The following FRMD4A variants were observed in gnomAD, a reference collection of about 807,000 sequenced individuals.
FRMD4A encodes the protein FERM domain-containing protein 4A.
Under a neutral mutation model 129.1 loss-of-function variants are expected in FRMD4A, and 29 were observed. The observed-to-expected ratio is 0.22, with a 90% confidence interval of 0.17 to 0.31. The LOEUF (loss-of-function observed/expected upper bound fraction) is 0.31, where lower values mean the gene tolerates loss of function less well. FRMD4A is among the 10% of genes least tolerant of loss of function. The pLI, the probability that FRMD4A is intolerant of heterozygous loss-of-function variation, is 1.00. For missense variants in FRMD4A, 1,272 were observed against 1,375.8 expected, an observed-to-expected ratio of 0.92 and a Z score of 1.19; for synonymous variants, 634 against 571.6, an observed-to-expected ratio of 1.11 and a Z score of -1.56.
At chr10:13,732,866 A>C (rs1021330439) in intron 12 of FRMD4A, among the ~76,000 whole-genome samples, 17 of 152,094 alleles carry the variant, frequency 1.1e-4, no homozygotes. Flanking sequence ...GACCTTCCCC[A>C]TGTCTGAGTT....
intron 2 of FRMD4A, chr10:13,890,970 C>T (rs1369815536): frequency 7.8e-6 from 3 of 383,696 alleles, no homozygotes; most frequent in Admixed American, 6.4e-5. Flanking sequence ...TACGCACAGG[C>T]AGCCCACGCA....
chr10:14,023,135 G>T (rs919021256), intron 2 of FRMD4A, among the ~76,000 whole-genome samples: 1 of 151,946 alleles, frequency 6.6e-6, no homozygotes, highest in Non-Finnish European at 1.5e-5. Flanking sequence ...CCCTGGCCAT[G>T]AATCTCCCAT....
At chr10:14,139,648 C>T (rs952453635) in intron 2 of FRMD4A, among the ~76,000 whole-genome samples, 2 of 151,804 alleles carry the variant, frequency 1.3e-5, no homozygotes, top group African/African-American at 4.8e-5. Flanking sequence ...TGGGGTCTTG[C>T]CATGTTGCCT....
chr10:13,812,685 C>T (rs2093469879), intron 3 of FRMD4A, among the ~76,000 whole-genome samples: 1 of 152,172 alleles, frequency 6.6e-6, no homozygotes. Context: ...GGGTGGCAGC[C>T]TCAGGGCCTA....
intron 2 of FRMD4A, among the ~76,000 whole-genome samples, chr10:14,115,341 A>G (rs1265578388): frequency 6.6e-6 from 1 of 152,244 alleles, no homozygotes; most frequent in East Asian, 1.9e-4. Flanking sequence ...TTGGCCTCTT[A>G]TCACTTATTT....
intron 14 of FRMD4A, among the ~76,000 whole-genome samples, chr10:13,697,650 TG>T (rs1378543789): frequency 6.6e-6 from 1 of 152,100 alleles, no homozygotes; most frequent in Non-Finnish European, 1.5e-5. Flanking sequence ...TGTCTGATAT[TG>T]TGGGAACAAA....
chr10:14,082,980 A>G (rs1287808485), intron 2 of FRMD4A: 1 of 152,200 alleles, frequency 6.6e-6, no homozygotes, highest in Non-Finnish European at 1.5e-5. Flanking sequence ...TGAAACAAAG[A>G]CTCCAAGAAG....
chr10:13,963,124 C>G (rs1392618569), intron 2 of FRMD4A, among the ~76,000 whole-genome samples: 4 of 152,088 alleles, frequency 2.6e-5, no homozygotes, highest in Non-Finnish European at 5.9e-5. Context: ...TGGAAGCACA[C>G]CAGTAGAAAT....
At chr10:13,855,124 T>C (rs186247138) in intron 3 of FRMD4A, among the ~76,000 whole-genome samples, 2 of 152,316 alleles carry the variant, frequency 1.3e-5, no homozygotes, top group African/African-American at 2.4e-5. Flanking sequence ...CAAAGTGCTA[T>C]ATGGAATAAG....
intron 2 of FRMD4A, among the ~76,000 whole-genome samples, chr10:14,084,843 A>G (rs997773407): frequency 6.6e-6 from 1 of 152,138 alleles, no homozygotes; most frequent in African/African-American, 2.4e-5. Flanking sequence ...CCTGAAAACC[A>G]CCATAAAGCT....
intron 15 of FRMD4A, among the ~76,000 whole-genome samples, chr10:13,691,676 C>G (rs986159390): frequency 4.6e-5 from 7 of 152,180 alleles, no homozygotes; most frequent in Non-Finnish European, 1.0e-4. Context: ...GGTTTCGATG[C>G]ACGCCGAAGT....
At chr10:14,252,066 G>C (rs1844459534) in intron 2 of FRMD4A, among the ~76,000 whole-genome samples, 1 of 152,116 alleles carries the variant, frequency 6.6e-6, no homozygotes, top group Non-Finnish European at 1.5e-5. Flanking sequence ...TATATTTATA[G>C]AAAAGTTTCA....
intron 2 of FRMD4A, among the ~76,000 whole-genome samples, chr10:13,993,374 C>T (rs1246613316): frequency 1.3e-5 from 2 of 152,186 alleles, no homozygotes; most frequent in African/African-American, 4.8e-5. Flanking sequence ...AATTCCACTC[C>T]ATCTAGCATG....
At chr10:13,814,422 T>A (rs1324467457) in intron 3 of FRMD4A, among the ~76,000 whole-genome samples, 1 of 150,626 alleles carries the variant, frequency 6.6e-6, no homozygotes, top group Non-Finnish European at 1.5e-5. Flanking sequence ...AAAAAAAATT[T>A]AAAAATTAGC....
intron 15 of FRMD4A, among the ~76,000 whole-genome samples, chr10:13,687,124 C>G (rs1589375800): frequency 2.0e-5 from 3 of 152,160 alleles, no homozygotes; most frequent in Admixed American, 6.5e-5. Context: ...AACCCCATCT[C>G]TACTAAAAAT....
intron 8 of FRMD4A, among the ~76,000 whole-genome samples, chr10:13,753,537 T>A (rs2091725752): frequency 7.1e-6 from 1 of 140,628 alleles, no homozygotes; most frequent in African/African-American, 2.7e-5. Context: ...ATATGTACCT[T>A]TCTATTTTTT....
chr10:13,830,344 CAGAA>C, intron 3 of FRMD4A, among the ~76,000 whole-genome samples: 1 of 152,268 alleles, frequency 6.6e-6, no homozygotes, highest in African/African-American at 2.4e-5. Context: ...TGACAGACTC[CAGAA>C]GGAGTCAAGG....
chr10:14,001,045 G>A (rs1196958194), intron 2 of FRMD4A, among the ~76,000 whole-genome samples: 1 of 152,112 alleles, frequency 6.6e-6, no homozygotes, highest in Non-Finnish European at 1.5e-5. Flanking sequence ...TCTCTTTTAT[G>A]TAAAGTCACC....
At chr10:14,131,403 C>CCCG (rs1439944138) in intron 2 of FRMD4A, among the ~76,000 whole-genome samples, 1 of 151,598 alleles carries the variant, frequency 6.6e-6, no homozygotes, top group Non-Finnish European at 1.5e-5. Flanking sequence ...TGTGCCCCCC[C>CCCG]CGGCCGCCCT....
Sources: allele counts gnomAD v4.1 joint callset (sites outside exome capture counted in the v4.1 genomes callset), GRCh38; gene constraint gnomAD v4.1.1; transcripts MANE v1.5; gene names NCBI Gene and HGNC (gene_info 2026-07-23, HGNC 2026-07-21).